ATP10D: variants seen among roughly 807,000 people sequenced by gnomAD.
The protein encoded by ATP10D is phospholipid-transporting ATPase VD.
A neutral mutation model predicts 144.8 loss-of-function variants in ATP10D; 89 were observed. The observed-to-expected ratio is 0.61, with a 90% CI of 0.52 to 0.73. The LOEUF is 0.73. Among genes scored for constraint, ATP10D ranks in the 30% least tolerant of loss-of-function variants. The probability of loss-of-function intolerance (pLI) is 0.00; values close to 1 mark genes in which losing one functional copy is unlikely to be tolerated. For synonymous variants in ATP10D, 571 were observed against 615.1 expected (o/e 0.93, Z 1.06); for missense variants, 1,603 against 1,714.8 (o/e 0.93, Z 1.15).
In ATP10D at chr4:47,536,833, C is replaced by T; in HGVS notation, c.1291C>T (p.Gln431Ter). Residue 431 changes from glutamine (Q) to a stop codon, truncating the protein, a stop_gained, in exon 9 of 23, where the codon CAG (glutamine) becomes TAG (stop). Transcript: ENST00000273859. LOFTEE classifies it high-confidence loss of function. ...CCTGAACATCGCCGAGGATCTGGGA[C>T]AGATTCAGTACCTCTTTTCCGATAA... ...RALNIAEDLG[Q>*]IQYLFSDKTG... 3 of 1,613,260 alleles carry T rather than the reference C, an allele frequency of 1.9e-6. No homozygotes were observed. The highest frequency in any genetic ancestry group is 2.5e-6 in the Non-Finnish European group (3 of 1,179,676).
chr4:47,566,203 C>T (rs900625123), intron 15 of ATP10D, among the ~76,000 whole-genome samples: 2 of 152,176 alleles, frequency 1.3e-5, no homozygotes, highest in Non-Finnish European at 2.9e-5. Context: ...TTTCCATCAA[C>T]GTTGTTCTTC....
Position 47,536,941 on chromosome 4 carries a change from G to A in ATP10D, c.1396+3G>A. ...TGATTACTGCCATGAAGAAAATGGT[G>A]AGTGTTGGATTTCCGTGAAAACCAA... On this transcript the variant is annotated splice_donor_region_variant and intron_variant, in intron 9 of 22. Transcript: ENST00000273859. The A allele has an allele frequency of 6.2e-7, 1 of 1,603,730 alleles. No homozygotes were observed. The highest frequency in any genetic ancestry group is 1.1e-5 in the South Asian group (1 of 89,026).
chr4:47,585,141 T>G (rs991133090), intron 21 of ATP10D, among the ~76,000 whole-genome samples: 2 of 152,170 alleles, frequency 1.3e-5, no homozygotes, highest in African/African-American at 4.8e-5. Flanking sequence ...GGTATCTCAT[T>G]TGATGCTATT....
chr4:47,546,390 A>G, intron 9 of ATP10D, among the ~76,000 whole-genome samples: 1 of 152,180 alleles, frequency 6.6e-6, no homozygotes, highest in East Asian at 1.9e-4. Flanking sequence ...ATGAGTACCA[A>G]TGCAGATAAG....
intron 1 of ATP10D, among the ~76,000 whole-genome samples, chr4:47,493,215 A>G (rs1286374683): frequency 6.6e-6 from 1 of 152,224 alleles, no homozygotes; most frequent in Non-Finnish European, 1.5e-5. Context: ...TAATATATAC[A>G]TCATTGGTAT....
At chr4:47,565,787 A>C (rs1215000454) in intron 15 of ATP10D, among the ~76,000 whole-genome samples, 1 of 152,012 alleles carries the variant, frequency 6.6e-6, no homozygotes, top group Non-Finnish European at 1.5e-5. Flanking sequence ...TTATATAAAT[A>C]AAAAAATTAT....
At position 47,536,901 on chromosome 4, in the gene ATP10D, T is replaced by C. The variant is rs753763916; in HGVS notation, c.1359T>C (p.Cys453=). The C allele has an allele frequency of 4.2e-5, 68 of 1,612,476 alleles. No individual in the cohort carries two copies. The East Asian group carries it at 1.0e-3, about 24-fold the overall frequency. Residue 453 remains cysteine (C), a synonymous_variant, in exon 9 of 23, where the codon TGT becomes TGC. Transcript: ENST00000273859. ...LTENKMVFRR[C]SVAGFDYCHE... ...AGAATAAGATGGTTTTTCGAAGATG[T>C]AGTGTGGCAGGATTTGATTACTGCC...
rs374921883 is a variant in ATP10D at position 47,558,048 on chromosome 4, G to T, written c.2209G>T (p.Ala737Ser). Residue 737 changes from alanine to serine, a missense_variant, in exon 12 of 23, where the codon GCC (alanine) becomes TCC (serine). Physicochemically the swap from Ala to Ser is moderately conservative, Grantham distance 99. Coordinates refer to ENST00000273859, the MANE Select transcript of ATP10D (RefSeq NM_020453.4). ...SPDEAALVYA[A>S]RAYQCTLRSR... The stretch of plus-strand genomic sequence containing the variant: ...AGACGAAGCGGCCTTAGTGTATGCC[G>T]CCAGGGCTTACCAATGCACTTTACG... The T allele has an allele frequency of 1.9e-6, 3 of 1,614,172 alleles. No homozygotes were observed. The highest frequency in any genetic ancestry group is 2.5e-6 in the Non-Finnish European group (3 of 1,180,036).
intron 1 of ATP10D, among the ~76,000 whole-genome samples, chr4:47,488,994 T>C (rs1215997463): frequency 1.3e-5 from 2 of 152,190 alleles, no homozygotes; most frequent in Admixed American, 6.5e-5. Flanking sequence ...TCTAGAACTT[T>C]AGGAAATAAC....
At chr4:47,542,312 G>A (rs554194074) in intron 9 of ATP10D, among the ~76,000 whole-genome samples, 104 of 152,082 alleles carry the variant, frequency 6.8e-4, no homozygotes, top group African/African-American at 2.3e-3. Flanking sequence ...TCCCAGGCTG[G>A]TCTCGAACTC....
At chr4:47,533,121 A>T (rs12640859) in intron 5 of ATP10D, among the ~76,000 whole-genome samples, 57,889 of 151,998 alleles carry the variant, frequency 0.38, 11,633 homozygotes, top group East Asian at 0.82. Context: ...CAGGGGAAAA[A>T]ATCTTAATAC....
intron 18 of ATP10D, among the ~76,000 whole-genome samples, chr4:47,575,307 C>G (rs1720170821): frequency 1.3e-5 from 2 of 152,256 alleles, no homozygotes; most frequent in East Asian, 3.9e-4. Flanking sequence ...GTGGCCTGCC[C>G]TCCTTGGGAG....
At chr4:47,523,275 G>A (rs1054467332) in intron 4 of ATP10D, 59 bp downstream of exon 4, 45 of 1,345,156 alleles carry the variant, frequency 3.3e-5, no homozygotes, top group African/African-American at 1.6e-4. Flanking sequence ...AGATGACTGA[G>A]CTCATTTTCA....
chr4:47,489,470 G>A lies in ATP10D; in HGVS notation c.-38+3951G>A, dbSNP rs973216835. Reference sequence around the variant, plus strand: ...GATTAATAGTATTTATATTTGGGTGGTAGGATTATAGTTGATTTGTATTTT... The same window carrying A: ...GATTAATAGTATTTATATTTGGGTGATAGGATTATAGTTGATTTGTATTTT... On this transcript the variant is annotated intron_variant, in intron 1 of 22. Coordinates refer to ENST00000273859, the MANE Select transcript of ATP10D (RefSeq NM_020453.4). Among the ~76,000 whole-genome samples, 119 of 152,108 alleles carry A rather than the reference G, an allele frequency of 7.8e-4. 10 individuals carry two copies. Among genetic ancestry groups the A allele is most frequent in the Non-Finnish European group, 5.9e-5 (4 of 68,018 alleles).
chr4:47,485,798 C>T (rs1714721287), intron 1 of ATP10D, among the ~76,000 whole-genome samples: 1 of 145,484 alleles, frequency 6.9e-6, no homozygotes, highest in Non-Finnish European at 1.5e-5. Context: ...GTAAACTGCA[C>T]ACGCGGGCGC....
At chr4:47,581,250 A>T (rs930126154) in intron 20 of ATP10D, among the ~76,000 whole-genome samples, 1 of 152,228 alleles carries the variant, frequency 6.6e-6, no homozygotes, top group African/African-American at 2.4e-5. Context: ...ATAAACTTTA[A>T]TTTTAGAAAA....
intron 16 of ATP10D, among the ~76,000 whole-genome samples, chr4:47,570,476 T>C (rs1036361063): frequency 6.6e-6 from 1 of 152,116 alleles, no homozygotes; most frequent in Admixed American, 6.6e-5. Context: ...GAATAAGAAA[T>C]TGGCTAGAGA....
intron 10 of ATP10D, 62 bp from the exon 11 acceptor site, chr4:47,554,664 T>G: frequency 1.5e-6 from 2 of 1,338,580 alleles, no homozygotes; most frequent in Non-Finnish European, 2.0e-6. Context: ...ATTTCTCATG[T>G]TGATTTAAAA....
intron 13 of ATP10D, among the ~76,000 whole-genome samples, chr4:47,560,483 G>C (rs1316149044): frequency 6.6e-6 from 1 of 152,118 alleles, no homozygotes; most frequent in Non-Finnish European, 1.5e-5. Context: ...GCGAGACTCT[G>C]TCTCAAAAAC....
Sources: allele counts gnomAD v4.1 joint callset (sites outside exome capture counted in the v4.1 genomes callset), GRCh38; gene constraint gnomAD v4.1.1; transcripts MANE v1.5; gene names NCBI Gene and HGNC (gene_info 2026-07-23, HGNC 2026-07-21).